HNRNPAB: variants seen among roughly 807,000 people sequenced by gnomAD.
The protein encoded by HNRNPAB is ABBP-1.
HNRNPAB carries 17 observed loss-of-function variants against 44.1 expected under a neutral mutation model. The observed-to-expected ratio is 0.39, with a 90% CI of 0.26 to 0.58. HNRNPAB has a LOEUF of 0.58. Ranked by LOEUF, HNRNPAB falls within the 20% of genes least tolerant of loss-of-function variation. The probability of loss-of-function intolerance (pLI) is 0.63; values close to 1 mark genes in which losing one functional copy is unlikely to be tolerated. For synonymous variants in HNRNPAB, 183 were observed against 167.6 expected, an observed-to-expected ratio of 1.09 and a Z score of -0.71; for missense variants, 393 against 432.7, an observed-to-expected ratio of 0.91 and a Z score of 0.81.
At chr5:178,210,512 TGCTTGTAAATAGTAGC>T in intron 7 of HNRNPAB, 25 bp from the exon 8 acceptor site, 1 of 1,594,600 alleles carries the variant, frequency 6.3e-7, no homozygotes, top group Non-Finnish European at 8.6e-7. Flanking sequence ...ACAGGGCAAA[TGCTTGTAAATAGTAGC>T]TGCTATGGTT....
Position 178,204,733 on chromosome 5 carries a change from G to T in HNRNPAB, c.-31G>T. 1.5e-6 allele frequency: 1 copy of T among 648,538 alleles called. No homozygotes were observed. Among genetic ancestry groups the T allele is most frequent in the Non-Finnish European group, 2.1e-6 (1 of 471,640 alleles). 40.2% of individuals were successfully genotyped at this position (648,538 alleles called of 1,614,324 possible). A position where few individuals can be genotyped will look rare whatever the true frequency, so the allele number is the denominator to read the frequency against. ...ACGAGCGGGCCCCGCGGCGTCATCG[G>T]CGGCGAGGTGAGCGGCGGCCGGCGG... On this transcript the variant is annotated 5_prime_UTR_variant, in exon 1 of 8. Coordinates refer to ENST00000358344, the MANE Select transcript of HNRNPAB (RefSeq NM_031266.3).
intron 7 of HNRNPAB, 47 bp from the exon 8 acceptor site, chr5:178,210,506 G>GGCAAATGCTTGTAAATAGTAGCTGCTAT (rs1757911720): frequency 6.3e-7 from 1 of 1,582,782 alleles, no homozygotes; most frequent in Non-Finnish European, 8.7e-7. Context: ...CGTGGCACAG[G>GGCAAATGCTTGTAAATAGTAGCTGCTAT]GCAAATGCTT....
chr5:178,209,899 T>G (rs542241980), intron 6 of HNRNPAB, among the ~76,000 whole-genome samples: 1 of 151,874 alleles, frequency 6.6e-6, no homozygotes, highest in Non-Finnish European at 1.5e-5. Flanking sequence ...ACTGAGTGAG[T>G]GAGCTGCCTT....
At position 178,210,841 on chromosome 5, in the gene HNRNPAB, A is replaced by G. The variant is rs932485587; in HGVS notation, c.*218A>G. The G allele has an allele frequency of 2.3e-5, 13 of 573,736 alleles. No homozygotes were observed. The highest frequency in any genetic ancestry group is 3.4e-5 in the Non-Finnish European group (11 of 321,574). The allele number at this position is 573,736 out of a possible 1,614,324, so 35.5% of individuals were successfully genotyped here. ...GTGTCTGAGAGGCCATAGCGCCATC[A>G]TGGGCTGATTTTTATTACCAGGTCC... On this transcript the variant is annotated 3_prime_UTR_variant, in exon 8 of 8. Coordinates refer to ENST00000358344, the MANE Select transcript of HNRNPAB (RefSeq NM_031266.3).
chr5:178,210,156 G>A lies in HNRNPAB; in HGVS notation c.812G>A (p.Gly271Asp), dbSNP rs1434758724. ...GGGQSQSWNQ[G>D]YGNYWNQGYG... ...GGTCAGAGTCAGAGTTGGAATCAGG[G>A]CTACGGCAACTACTGGAACCAGGGC... The change falls in exon 7 of 8, where the codon GGC (glycine) becomes GAC (aspartate). Residue 271 changes from glycine (G) to aspartate (D), a missense_variant. Transcript: ENST00000358344. 2.5e-6 allele frequency: 4 copies of A among 1,613,960 alleles called. No individual in the cohort carries two copies. The highest frequency in any genetic ancestry group is 3.4e-6 in the Non-Finnish European group (4 of 1,179,928).
In HNRNPAB at chr5:178,210,857, T is replaced by G; in HGVS notation, c.*234T>G. ...AGCGCCATCATGGGCTGATTTTTAT[T>G]ACCAGGTCCCCCAGAAGCAGGTGGG... On this transcript the variant is annotated 3_prime_UTR_variant, in exon 8 of 8. Coordinates refer to ENST00000358344, the MANE Select transcript of HNRNPAB (RefSeq NM_031266.3). 3.6e-6 allele frequency: 2 copies of G among 556,422 alleles called. No homozygotes were observed. Among genetic ancestry groups the G allele is most frequent in the South Asian group, 4.3e-5 (2 of 46,868 alleles). 34.5% of individuals were successfully genotyped at this position (556,422 alleles called of 1,614,324 possible).
At chr5:178,210,086 G>A (rs749813429) in intron 6 of HNRNPAB, 46 bp from the exon 7 acceptor site, 34 of 1,604,780 alleles carry the variant, frequency 2.1e-5, no homozygotes, top group East Asian at 8.9e-5. Flanking sequence ...TAGCTCCTGC[G>A]TATGCTAAAT....
chr5:178,204,611 C>G lies in HNRNPAB; in HGVS notation c.-153C>G, dbSNP rs753208075. ...GCGGCGGCGGCCAAGGAGGAGGAGACACAGTTGGAGCAGCTCCGTGGGCTG... is the reference window on the plus strand; with the variant it reads ...GCGGCGGCGGCCAAGGAGGAGGAGAGACAGTTGGAGCAGCTCCGTGGGCTG... On this transcript the variant is annotated 5_prime_UTR_variant, in exon 1 of 8. Transcript: ENST00000358344. 7.4e-6 allele frequency: 2 copies of G among 271,574 alleles called. No individual in the cohort carries two copies. The highest frequency in any genetic ancestry group is 1.4e-5 in the Non-Finnish European group (2 of 146,026). 16.8% of individuals were successfully genotyped at this position (271,574 alleles called of 1,614,324 possible). A position where few individuals can be genotyped will look rare whatever the true frequency, so the allele number is the denominator to read the frequency against.
intron 2 of HNRNPAB, chr5:178,205,552 T>G (rs750227870): frequency 9.7e-6 from 3 of 308,768 alleles, no homozygotes; most frequent in Non-Finnish European, 1.8e-5. Context: ...GCTACATGGT[T>G]GTAGAACACA....
chr5:178,207,924 G>A (rs892299405), intron 5 of HNRNPAB, among the ~76,000 whole-genome samples: 1 of 151,958 alleles, frequency 6.6e-6, no homozygotes, highest in Admixed American at 6.6e-5. Flanking sequence ...GCCATCCTCT[G>A]CCTTGGCCTT....
intron 2 of HNRNPAB, among the ~76,000 whole-genome samples, chr5:178,205,323 G>T (rs919314270): frequency 6.6e-6 from 1 of 151,638 alleles, no homozygotes; most frequent in African/African-American, 2.4e-5. Context: ...CGGGCGGATG[G>T]CCCGGAAGAG....
chr5:178,206,693 G>A (rs199688838), intron 3 of HNRNPAB, 39 bp from the exon 4 acceptor site: 49 of 1,603,438 alleles, frequency 3.1e-5, no homozygotes, highest in East Asian at 4.5e-5. Flanking sequence ...TGTCTGGCTC[G>A]TGCTGCTGAG....
At chr5:178,208,056 A>C (rs1757165576) in intron 5 of HNRNPAB, among the ~76,000 whole-genome samples, 1 of 152,184 alleles carries the variant, frequency 6.6e-6, no homozygotes, top group Non-Finnish European at 1.5e-5. Flanking sequence ...GCCAGCTTAA[A>C]TCCAGGGTCA....
chr5:178,206,631 AAC>A (rs34699767), intron 3 of HNRNPAB, 99 bp from the exon 4 acceptor site: 313,766 of 1,182,504 alleles, frequency 0.27, 43,952 homozygotes, highest in Admixed American at 0.39. Context: ...GAGGGGGTGA[AAC>A]ACATGTTTGT....
intron 5 of HNRNPAB, among the ~76,000 whole-genome samples, chr5:178,207,897 A>G (rs922858113): frequency 1.3e-5 from 2 of 151,952 alleles, no homozygotes; most frequent in East Asian, 3.9e-4. Flanking sequence ...TGGTCTCACC[A>G]TGTTGCCTGG....
At position 178,210,272 on chromosome 5, in the gene HNRNPAB, AGTAAGTAG is replaced by A; in HGVS notation, c.928+2_928+9del. ...CGGCTACGGCCCCGGCTACGACTAC[AGTAAGTAG>A]GAGAGAGGGAGGCCCCATCCGCTCA... On this transcript the variant is annotated splice_donor_variant and splice_donor_5th_base_variant and intron_variant, in intron 7 of 7. Transcript: ENST00000358344. LOFTEE classifies it high-confidence loss of function. 1 of 1,614,032 alleles carries A rather than the reference AGTAAGTAG, an allele frequency of 6.2e-7. No individual in the cohort carries two copies. Among genetic ancestry groups the A allele is most frequent in the Non-Finnish European group, 8.5e-7 (1 of 1,179,972 alleles).
At chr5:178,209,255 C>A in intron 5 of HNRNPAB, 75 bp from the exon 6 acceptor site, 3 of 1,110,916 alleles carry the variant, frequency 2.7e-6, no homozygotes, top group South Asian at 1.3e-5. Context: ...TGATGTTTGT[C>A]GCAGTGAAGG....
At position 178,210,665 on chromosome 5, in the gene HNRNPAB, T is replaced by C; in HGVS notation, c.*42T>C. 6.7e-7 allele frequency: 1 copy of C among 1,486,442 alleles called. No homozygotes were observed. The highest frequency in any genetic ancestry group is 9.4e-7 in the Non-Finnish European group (1 of 1,064,156). 92.1% of individuals were successfully genotyped at this position (1,486,442 alleles called of 1,614,324 possible). A position where few individuals can be genotyped will look rare whatever the true frequency, so the allele number is the denominator to read the frequency against. The stretch of plus-strand genomic sequence containing the variant: ...ACCAACTGATCGCACACATGCTTTG[T>C]TTGGATATGGAGTGAACACAATTAT... On this transcript the variant is annotated 3_prime_UTR_variant, in exon 8 of 8. Transcript: ENST00000358344.
chr5:178,206,650 A>AT lies in HNRNPAB; in HGVS notation c.379-82_379-81insT, dbSNP rs1561661376. 14 of 1,350,748 alleles carry AT rather than the reference A, an allele frequency of 1.0e-5. 1 individual carries two copies. The highest frequency in any genetic ancestry group is 2.6e-4 in the Middle Eastern group (1 of 3,818). The allele number at this position is 1,350,748 out of a possible 1,614,324, so 83.7% of individuals were successfully genotyped here. A position where few individuals can be genotyped will look rare whatever the true frequency, so the allele number is the denominator to read the frequency against. ...GGGTGAAACACATGTTTGTATCTGT[A>AT]CTGGTGTCTTTATGGCTTAGAGAGA... On this transcript the variant is annotated intron_variant, in intron 3 of 7. Transcript: ENST00000358344.
Sources: gnomAD v4.1 joint callset for allele counts (sites outside exome capture counted in the v4.1 genomes callset) on GRCh38, gnomAD v4.1.1 for gene constraint, MANE v1.5 for transcripts, NCBI Gene and HGNC (gene_info 2026-07-23, HGNC 2026-07-21) for gene names.